TPCN2: variants seen among roughly 807,000 people sequenced by gnomAD.
The protein encoded by TPCN2 is two pore channel protein 2.
A neutral mutation model predicts 111.4 loss-of-function variants in TPCN2; 92 were observed. That is an observed-to-expected ratio of 0.83 (90% CI 0.70 to 0.98). TPCN2 has a LOEUF of 0.98. Among genes scored for constraint, TPCN2 ranks in the 50% least tolerant of loss-of-function variants. The pLI, the probability that TPCN2 is intolerant of heterozygous loss-of-function variation, is 0.00. For synonymous variants in TPCN2, 405 were observed against 414.5 expected, an observed-to-expected ratio of 0.98 and a Z score of 0.28; for missense variants, 995 against 980.1, an observed-to-expected ratio of 1.02 and a Z score of -0.20.
intron 22 of TPCN2, 74 bp from the exon 23 acceptor site, chr11:69,086,449 C>T (rs1854675801): frequency 6.3e-6 from 8 of 1,261,862 alleles, no homozygotes; most frequent in Middle Eastern, 1.9e-4. Flanking sequence ...CCTGGCCACG[C>T]AGCAGTGGTG....
chr11:69,058,707 C>T (rs1358120109), intron 5 of TPCN2, among the ~76,000 whole-genome samples: 1 of 152,198 alleles, frequency 6.6e-6, no homozygotes, highest in Non-Finnish European at 1.5e-5. Flanking sequence ...GAGGGCAGCC[C>T]CGCTGTGCTG....
In TPCN2 at chr11:69,071,333, A is replaced by G. The variant is rs1488458738; in HGVS notation, c.896-23A>G. The G allele has an allele frequency of 2.5e-6, 4 of 1,610,800 alleles. No homozygotes were observed. In the South Asian group the frequency reaches 4.4e-5, roughly 18 times the overall value. On this transcript the variant is annotated intron_variant, in intron 9 of 24. Transcript: ENST00000294309. ...TGCTGCTGTACTGGTGGCGCCCCTG[A>G]CCGTGGCTGTCTCCTCTTGAAGGAA...
intron 4 of TPCN2, among the ~76,000 whole-genome samples, chr11:69,057,046 A>G (rs10896399): frequency 1.3e-5 from 2 of 151,634 alleles, no homozygotes; most frequent in East Asian, 2.0e-4. Context: ...CCATGTTGGC[A>G]AGGCTGGTCT....
At chr11:69,084,059 T>G (rs1243705415) in intron 19 of TPCN2, 43 bp downstream of exon 19, 1 of 1,579,954 alleles carries the variant, frequency 6.3e-7, no homozygotes, top group South Asian at 1.1e-5. Flanking sequence ...TGCACTGGAG[T>G]GGGAGGCTGG....
chr11:69,067,469 A>C, intron 7 of TPCN2, 34 bp from the exon 8 acceptor site: 1 of 1,589,312 alleles, frequency 6.3e-7, no homozygotes, highest in Non-Finnish European at 8.6e-7. Flanking sequence ...GTGGGGACCC[A>C]GTGGTGCCCT....
intron 23 of TPCN2, 80 bp from the exon 24 acceptor site, chr11:69,087,032 G>T (rs552881670): frequency 7.8e-7 from 1 of 1,275,124 alleles, no homozygotes. Context: ...CCCTGTGGCT[G>T]ACCCTGGAGG....
At chr11:69,063,761 G>T in intron 6 of TPCN2, 134 bp from the exon 7 acceptor site, 1 of 763,986 alleles carries the variant, frequency 1.3e-6, no homozygotes, top group Non-Finnish European at 2.2e-6. Context: ...GGGAGAGGGG[G>T]ACCCAGCTGC....
chr11:69,072,176 G>A (rs571574869), intron 11 of TPCN2, among the ~76,000 whole-genome samples, 153 bp downstream of exon 11: 1 of 152,308 alleles, frequency 6.6e-6, no homozygotes, highest in Non-Finnish European at 1.5e-5. Flanking sequence ...TGTCCCTGGC[G>A]CTCTGTGGTT....
intron 1 of TPCN2, among the ~76,000 whole-genome samples, chr11:69,052,404 G>C (rs903191515): frequency 7.2e-5 from 11 of 152,146 alleles, no homozygotes; most frequent in African/African-American, 2.7e-4. Flanking sequence ...GATACAGCAG[G>C]GAACAAAACA....
At chr11:69,083,451 C>T (rs1471090361) in intron 18 of TPCN2, among the ~76,000 whole-genome samples, 1 of 152,216 alleles carries the variant, frequency 6.6e-6, no homozygotes, top group Non-Finnish European at 1.5e-5. Context: ...GAGCCGGGGC[C>T]TCCCTGCTGG....
At chr11:69,082,133 G>A (rs117976804) in intron 18 of TPCN2, among the ~76,000 whole-genome samples, 1,997 of 152,288 alleles carry the variant, frequency 0.013, 19 homozygotes, top group Non-Finnish European at 0.021. Context: ...CTGACAGTAT[G>A]TCCCACTTGA....
intron 4 of TPCN2, among the ~76,000 whole-genome samples, chr11:69,055,619 CCG>C (rs1215111562): frequency 6.9e-4 from 104 of 150,756 alleles, no homozygotes; most frequent in African/African-American, 2.5e-3. Context: ...GGCCAGTGTG[CCG>C]TCAGCTCTCC....
intron 5 of TPCN2, among the ~76,000 whole-genome samples, chr11:69,062,153 C>T (rs565298152): frequency 6.6e-6 from 1 of 152,162 alleles, no homozygotes; most frequent in East Asian, 1.9e-4. Context: ...GAGAGGCCCC[C>T]AGACTCCTTT....
At chr11:69,049,791 ATCCGCCCCCCGAGGGTGGGGTGCG>A (rs1384095496) in intron 1 of TPCN2, among the ~76,000 whole-genome samples, 17 of 152,080 alleles carry the variant, frequency 1.1e-4, no homozygotes, top group Admixed American at 1.3e-4. Flanking sequence ...AGATTGCTGA[ATCCGCCCCCCGAGGGTGGGGTGCG>A]TCCGCCCCTC....
intron 1 of TPCN2, among the ~76,000 whole-genome samples, chr11:69,052,648 C>G (rs777488555): frequency 6.6e-6 from 1 of 152,154 alleles, no homozygotes; most frequent in Non-Finnish European, 1.5e-5. Context: ...CCTCACACCT[C>G]TAATCCGTCC....
rs1855893997 is a variant in TPCN2 at position 69,078,789 on chromosome 11, TG to T, written c.1410+1del. On this transcript the variant is annotated frameshift_variant, in exon 15 of 25. Transcript: ENST00000294309. LOFTEE classifies it high-confidence loss of function. ...VLPAERDDFI[L>X]GILNCVFIVY... ...CCTGCTGAGCGTGATGACTTCATCC[TG>T]GGGGTAAGTTCTGAGCTGTCCACCT... 4 of 1,613,974 alleles carry T rather than the reference TG, an allele frequency of 2.5e-6. No homozygotes were observed. The highest frequency in any genetic ancestry group is 1.3e-5 in the African/African-American group (1 of 74,946).
intron 5 of TPCN2, among the ~76,000 whole-genome samples, chr11:69,060,133 C>G (rs761161908): frequency 6.6e-6 from 1 of 152,206 alleles, no homozygotes; most frequent in Non-Finnish European, 1.5e-5. Flanking sequence ...TCCCAGACCT[C>G]GTGCCCAGTC....
At chr11:69,073,100 A>G in intron 13 of TPCN2, 99 bp downstream of exon 13, 1 of 859,780 alleles carries the variant, frequency 1.2e-6, no homozygotes, top group Non-Finnish European at 1.9e-6. Context: ...CAGTGCTGGG[A>G]TTCACCTGCC....
At chr11:69,061,636 G>A (rs557335568) in intron 5 of TPCN2, among the ~76,000 whole-genome samples, 44 of 152,246 alleles carry the variant, frequency 2.9e-4, no homozygotes, top group South Asian at 2.1e-4. Context: ...TGCTGAGGGC[G>A]CCAGGCAGGA....
Sources: allele counts gnomAD v4.1 joint callset (sites outside exome capture counted in the v4.1 genomes callset), GRCh38; gene constraint gnomAD v4.1.1; transcripts MANE v1.5; gene names NCBI Gene and HGNC (gene_info 2026-07-23, HGNC 2026-07-21).